SH3BGRL: variants seen among roughly 807,000 people sequenced by gnomAD.
SH3BGRL encodes the protein SH3 domain binding glutamate rich protein like.
In SH3BGRL, 7 loss-of-function variants were observed where a neutral mutation model predicts 9.8. That is an observed-to-expected ratio of 0.72 (90% CI 0.41 to 1.35). SH3BGRL has a LOEUF of 1.35. SH3BGRL is among the 40% of genes most tolerant of loss of function. The pLI, the probability that SH3BGRL is intolerant of heterozygous loss-of-function variation, is 0.01. For missense variants in SH3BGRL, 73 were observed against 84.4 expected (o/e 0.86, Z 0.53); for synonymous variants, 36 against 29.1 (o/e 1.24, Z -0.76).
At chrX:81,274,603 A>G (rs890504826) in intron 1 of SH3BGRL, among the ~76,000 whole-genome samples, 1 of 110,211 alleles carries the variant, frequency 9.1e-6, no homozygotes, top group African/African-American at 3.3e-5. Context: ...GAAAAAAAAA[A>G]AGCAATAATT....
At chrX:81,238,694 G>A (rs1356075799) in intron 1 of SH3BGRL, among the ~76,000 whole-genome samples, 1 of 110,562 alleles carries the variant, frequency 9.0e-6, no homozygotes, top group East Asian at 2.9e-4. Context: ...GTGAGACACA[G>A]TGCTATGTTT....
chrX:81,219,730 C>T (rs896039583), intron 1 of SH3BGRL, among the ~76,000 whole-genome samples: 1 of 110,978 alleles, frequency 9.0e-6, no homozygotes, highest in African/African-American at 3.3e-5. Flanking sequence ...AGTTTTTTTC[C>T]CATTAAGTGT....
rs974252730 is a variant in SH3BGRL, at chrX:81,295,848, G to T, written c.313-1347G>T. On this transcript the variant is annotated intron_variant, in intron 3 of 3. Coordinates refer to ENST00000373212, the MANE Select transcript of SH3BGRL (RefSeq NM_003022.3). ...TAACAATTTAACAAGTCTCTAGGAAGCTCCAAACTTTCCATCATCTTTCTG... is the reference window on the plus strand; with the variant it reads ...TAACAATTTAACAAGTCTCTAGGAATCTCCAAACTTTCCATCATCTTTCTG... 6.6e-4 allele frequency among the ~76,000 whole-genome samples: 74 copies of T among 111,360 alleles called. 5 individuals carry two copies. The highest frequency in any genetic ancestry group is 3.8e-5 in the Non-Finnish European group (2 of 53,119).
chrX:81,210,807 A>G (rs1021035857), intron 1 of SH3BGRL, among the ~76,000 whole-genome samples: 5 of 111,940 alleles, frequency 4.5e-5, no homozygotes, highest in Admixed American at 3.8e-4. Context: ...AATACTTCTT[A>G]ATTAACTGGT....
intron 1 of SH3BGRL, among the ~76,000 whole-genome samples, chrX:81,218,502 T>C (rs1328962083): frequency 9.1e-6 from 1 of 109,341 alleles, no homozygotes; most frequent in East Asian, 2.8e-4. Flanking sequence ...TTTATGAAGC[T>C]TAGTTTCACT....
intron 1 of SH3BGRL, among the ~76,000 whole-genome samples, chrX:81,274,755 G>T (rs1369905849): frequency 1.8e-5 from 2 of 111,437 alleles, no homozygotes; most frequent in Non-Finnish European, 3.8e-5. Flanking sequence ...TTCCTTCTTG[G>T]AAATAAACTT....
chrX:81,283,910 C>T (rs1405124915), intron 3 of SH3BGRL, among the ~76,000 whole-genome samples: 1 of 111,115 alleles, frequency 9.0e-6, no homozygotes, highest in Non-Finnish European at 1.9e-5. Flanking sequence ...GATCATTTAT[C>T]TTGAAAACCC....
intron 1 of SH3BGRL, among the ~76,000 whole-genome samples, chrX:81,239,689 G>C (rs1333942481): frequency 8.9e-6 from 1 of 112,021 alleles, no homozygotes; most frequent in Non-Finnish European, 1.9e-5. Flanking sequence ...ACACCGAGCA[G>C]ATTTAACCCA....
intron 1 of SH3BGRL, 34 bp downstream of exon 1, chrX:81,202,279 T>C: frequency 8.6e-7 from 1 of 1,168,666 alleles, no homozygotes; most frequent in African/African-American, 1.8e-5. Context: ...TTTGTTGTTT[T>C]CCTACACACC....
chrX:81,214,329 T>C (rs1296840457), intron 1 of SH3BGRL, among the ~76,000 whole-genome samples: 1 of 110,876 alleles, frequency 9.0e-6, no homozygotes, highest in Admixed American at 9.6e-5. Context: ...AAGAGATGAG[T>C]ATATAGACTA....
intron 1 of SH3BGRL, among the ~76,000 whole-genome samples, chrX:81,251,556 A>C (rs1284367750): frequency 9.0e-6 from 1 of 111,417 alleles, no homozygotes; most frequent in Admixed American, 9.6e-5. Context: ...TTGGGCAAGA[A>C]AGTTAAACTG....
At chrX:81,235,842 C>T (rs998998545) in intron 1 of SH3BGRL, among the ~76,000 whole-genome samples, 1 of 111,428 alleles carries the variant, frequency 9.0e-6, no homozygotes, top group Non-Finnish European at 1.9e-5. Flanking sequence ...AGTTGTGTAA[C>T]ATGCCATCAT....
intron 1 of SH3BGRL, among the ~76,000 whole-genome samples, chrX:81,219,134 A>G (rs1173887812): frequency 9.0e-6 from 1 of 110,522 alleles, no homozygotes; most frequent in East Asian, 2.8e-4. Context: ...ATTTGTCACA[A>G]AAAGATCATC....
At chrX:81,229,905 C>T (rs1199788614) in intron 1 of SH3BGRL, among the ~76,000 whole-genome samples, 2 of 111,825 alleles carry the variant, frequency 1.8e-5, no homozygotes, top group Non-Finnish European at 3.8e-5. Context: ...AGGGATAGAG[C>T]CCTAGCCAGG....
At chrX:81,282,014 T>C (rs1214266690) in intron 3 of SH3BGRL, among the ~76,000 whole-genome samples, 2 of 111,620 alleles carry the variant, frequency 1.8e-5, no homozygotes, top group African/African-American at 3.3e-5. Context: ...GGACACCAAA[T>C]GAGAGTGGGG....
chrX:81,287,337 C>T (rs1025514736), intron 3 of SH3BGRL, among the ~76,000 whole-genome samples: 2 of 111,592 alleles, frequency 1.8e-5, no homozygotes, highest in African/African-American at 6.5e-5. Context: ...GTGGCTGCTA[C>T]AAGCAATTAT....
intron 1 of SH3BGRL, among the ~76,000 whole-genome samples, chrX:81,218,672 T>C (rs1047837082): frequency 9.5e-6 from 1 of 105,151 alleles, no homozygotes; most frequent in Non-Finnish European, 1.9e-5. Flanking sequence ...TGTATGTATA[T>C]ATATATATAT....
chrX:81,211,742 A>G (rs1464458170), intron 1 of SH3BGRL, among the ~76,000 whole-genome samples: 1 of 111,430 alleles, frequency 9.0e-6, no homozygotes, highest in African/African-American at 3.3e-5. Context: ...CCCGTGCTGG[A>G]CGCTTCCTGC....
intron 1 of SH3BGRL, among the ~76,000 whole-genome samples, chrX:81,241,689 C>T (rs2015235562): frequency 8.9e-6 from 1 of 111,998 alleles, no homozygotes; most frequent in Non-Finnish European, 1.9e-5. Context: ...AGAAGAGTTG[C>T]AGCCCTTTGG....
Sources: gnomAD v4.1 joint callset for allele counts (sites outside exome capture counted in the v4.1 genomes callset) on GRCh38, gnomAD v4.1.1 for gene constraint, MANE v1.5 for transcripts, NCBI Gene and HGNC (gene_info 2026-07-23, HGNC 2026-07-21) for gene names.